The following SCUBE1 variants were observed in gnomAD, a reference collection of about 807,000 sequenced individuals.
The protein encoded by SCUBE1 is signal peptide, CUB domain and EGF like domain containing 1.
A neutral mutation model predicts 124.4 loss-of-function variants in SCUBE1; 59 were observed. The ratio of observed to expected loss-of-function variants is 0.47; its 90% CI spans 0.38 to 0.59. The LOEUF (loss-of-function observed/expected upper bound fraction) is 0.59, where lower values mean the gene tolerates loss of function less well. Among genes scored for constraint, SCUBE1 ranks in the 20% least tolerant of loss-of-function variants. The probability of loss-of-function intolerance (pLI) is 0.00; values close to 1 mark genes in which losing one functional copy is unlikely to be tolerated. For synonymous variants in SCUBE1, 545 were observed against 550.9 expected (o/e 0.99, Z 0.15); for missense variants, 1,150 against 1,371.2 (o/e 0.84, Z 2.55).
chr22:43,212,108 C>T (rs974476034), intron 17 of SCUBE1, among the ~76,000 whole-genome samples: 19 of 151,248 alleles, frequency 1.3e-4, no homozygotes, highest in African/African-American at 4.4e-4. Context: ...CTCCTGCCCC[C>T]ACACTCCTGC....
At chr22:43,304,524 C>T (rs1272791909) in intron 3 of SCUBE1, among the ~76,000 whole-genome samples, 1 of 29,922 alleles carries the variant, frequency 3.3e-5, no homozygotes. Context: ...CAGAGAGCGT[C>T]TCTCTAAGCC....
At chr22:43,248,383 T>C (rs892302704) in intron 6 of SCUBE1, among the ~76,000 whole-genome samples, 1 of 152,172 alleles carries the variant, frequency 6.6e-6, no homozygotes, top group African/African-American at 2.4e-5. Flanking sequence ...GCCCTCGTCT[T>C]TTCTCTACTA....
At chr22:43,242,549 G>A (rs552429351) in intron 6 of SCUBE1, among the ~76,000 whole-genome samples, 1 of 152,334 alleles carries the variant, frequency 6.6e-6, no homozygotes, top group Admixed American at 6.5e-5. Flanking sequence ...GTCCCATCCC[G>A]GCCTCTGCCC....
intron 2 of SCUBE1, among the ~76,000 whole-genome samples, chr22:43,322,230 A>G (rs1029516782): frequency 1.3e-5 from 2 of 152,074 alleles, no homozygotes; most frequent in Non-Finnish European, 2.9e-5. Flanking sequence ...TGATCCGCCC[A>G]CCTTGGCCTC....
At chr22:43,274,525 A>C (rs562355875) in intron 4 of SCUBE1, among the ~76,000 whole-genome samples, 1 of 152,278 alleles carries the variant, frequency 6.6e-6, no homozygotes, top group African/African-American at 2.4e-5. Context: ...ATGGCCTGCC[A>C]CGAACAGGGA....
chr22:43,340,287 G>A (rs370626159), intron 1 of SCUBE1, among the ~76,000 whole-genome samples: 3 of 152,066 alleles, frequency 2.0e-5, no homozygotes, highest in Non-Finnish European at 4.4e-5. Context: ...AAATCCACAC[G>A]TGAACCTGGT....
chr22:43,236,144 A>G (rs546012492), intron 7 of SCUBE1, among the ~76,000 whole-genome samples: 2 of 152,174 alleles, frequency 1.3e-5, no homozygotes, highest in Non-Finnish European at 2.9e-5. Context: ...CCCTGCCAAG[A>G]TCAGGGTGTG....
rs905622011 is a variant in SCUBE1, at chr22:43,213,812, G to C, written c.2053+278C>G. Among the ~76,000 whole-genome samples, 3 of 147,976 alleles carry C rather than the reference G, an allele frequency of 2.0e-5. No individual in the cohort carries two copies. The East Asian group carries it at 5.8e-4, about 28-fold the overall frequency. On this transcript the variant is annotated intron_variant, in intron 16 of 21. Coordinates refer to ENST00000360835, the MANE Select transcript of SCUBE1 (RefSeq NM_173050.5). ...TGCACACTGTGAAGTCCTTTCCAAA[G>C]GGCACAATGCAATTCTGAGAGCACA... is the stretch of plus-strand genomic sequence containing the variant.
chr22:43,209,899 TG>T, intron 19 of SCUBE1, 143 bp downstream of exon 19: 1 of 806,004 alleles, frequency 1.2e-6, no homozygotes, highest in East Asian at 3.0e-5. Context: ...GCCTCCCAGG[TG>T]GACTCTGAGG....
At chr22:43,292,770 T>A (rs1459445854) in intron 3 of SCUBE1, among the ~76,000 whole-genome samples, 1 of 152,186 alleles carries the variant, frequency 6.6e-6, no homozygotes, top group African/African-American at 2.4e-5. Flanking sequence ...ACAGACCACT[T>A]TACCACCTAA....
At chr22:43,303,538 G>C (rs552646936) in intron 3 of SCUBE1, among the ~76,000 whole-genome samples, 14 of 152,382 alleles carry the variant, frequency 9.2e-5, no homozygotes, top group Non-Finnish European at 1.9e-4. Context: ...GGCCACAGAA[G>C]GCAGTGGCAG....
intron 3 of SCUBE1, among the ~76,000 whole-genome samples, chr22:43,306,209 C>T (rs1054235242): frequency 3.3e-5 from 5 of 152,188 alleles, no homozygotes; most frequent in African/African-American, 1.2e-4. Flanking sequence ...TTGCTAATGT[C>T]CCCTTTTAGG....
Position 43,206,677 on chromosome 22 carries a change from C to T in SCUBE1, c.2814+857G>A, listed in dbSNP as rs866098827. 8.5e-4 allele frequency among the ~76,000 whole-genome samples: 129 copies of T among 152,098 alleles called. 1 individual carries two copies. The highest frequency in any genetic ancestry group is 2.5e-3 in the African/African-American group (105 of 41,460). On this transcript the variant is annotated intron_variant, in intron 21 of 21. Transcript: ENST00000360835. ...AAGAAGGGGCCGAGAGGCTCTGGTG[C>T]GTGTGAGGAGCTGGGAGCTGCTGTG...
intron 10 of SCUBE1, among the ~76,000 whole-genome samples, chr22:43,225,765 C>T (rs1182053162): frequency 6.6e-6 from 1 of 151,984 alleles, no homozygotes; most frequent in Non-Finnish European, 1.5e-5. Context: ...GTTTCTTGCC[C>T]TTTGGAGGCA....
intron 15 of SCUBE1, among the ~76,000 whole-genome samples, chr22:43,216,563 G>C (rs774308757): frequency 2.0e-5 from 3 of 152,006 alleles, no homozygotes; most frequent in Non-Finnish European, 2.9e-5. Context: ...TGAGGCAGTA[G>C]AATAGGTTGA....
At chr22:43,218,730 G>A (rs1232199077) in intron 14 of SCUBE1, among the ~76,000 whole-genome samples, 6 of 151,964 alleles carry the variant, frequency 3.9e-5, no homozygotes, top group South Asian at 2.1e-4. Context: ...CCCAGGGTAC[G>A]ACTCACGGGG....
rs1921007922 is a variant in SCUBE1, at chr22:43,201,378, C to T, written c.*2619G>A. ...CAAAACAAAAAAAACAAAACAAAAA[C>T]ATTTAAGTGTGATGGTTGATTGCAT... On this transcript the variant is annotated 3_prime_UTR_variant, in exon 22 of 22. Transcript: ENST00000360835. 1 of 124,894 alleles carries T rather than the reference C, an allele frequency of 8.0e-6. No individual in the cohort carries two copies. The highest frequency in any genetic ancestry group is 2.7e-4 in the South Asian group (1 of 3,734). The allele number at this position is 124,894 out of a possible 1,614,324, so 7.7% of individuals were successfully genotyped here.
In SCUBE1 at chr22:43,222,726, G is replaced by A. The variant is rs1266552237; in HGVS notation, c.1344C>T (p.Tyr448=). 18 of 1,602,700 alleles carry A rather than the reference G, an allele frequency of 1.1e-5. No homozygotes were observed. The highest frequency in any genetic ancestry group is 1.5e-5 in the Non-Finnish European group (18 of 1,174,310). Reference sequence around the variant, plus strand: ...GCCCTGGAACTCCGCAGCTCAGGACGTAGCTATTTTCCGAGTCTGCAGAGA... The same window carrying A: ...GCCCTGGAACTCCGCAGCTCAGGACATAGCTATTTTCCGAGTCTGCAGAGA... ...TLFVPDSENS[Y]VLSCGVPGPQ... is the part of the protein sequence containing the mutation. The change falls in exon 12 of 22, where the codon TAC becomes TAT. Residue 448 remains tyrosine (Y), a synonymous_variant. Transcript: ENST00000360835.
At chr22:43,302,581 A>T (rs563177095) in intron 3 of SCUBE1, among the ~76,000 whole-genome samples, 29 of 152,284 alleles carry the variant, frequency 1.9e-4, no homozygotes, top group Non-Finnish European at 3.5e-4. Context: ...GCTGTTTTGT[A>T]AATGGGAGCT....
Sources: gnomAD v4.1 joint callset for allele counts (sites outside exome capture counted in the v4.1 genomes callset) on GRCh38, gnomAD v4.1.1 for gene constraint, MANE v1.5 for transcripts, NCBI Gene and HGNC (gene_info 2026-07-23, HGNC 2026-07-21) for gene names.